Variants in DPP6 observed in about 807,000 individuals in gnomAD.
DPP6 encodes dipeptidyl peptidase like 6.
A neutral mutation model predicts 122.6 loss-of-function variants in DPP6; 69 were observed. That is an observed-to-expected ratio of 0.56 (90% CI 0.46 to 0.69). The LOEUF (loss-of-function observed/expected upper bound fraction) is 0.69. Among genes scored for constraint, DPP6 ranks in the 30% least tolerant of loss-of-function variants. DPP6 has a pLI of 0.00. For missense variants in DPP6, 928 were observed against 1,116.9 expected, an observed-to-expected ratio of 0.83 and a Z score of 2.41; for synonymous variants, 418 against 433.1, an observed-to-expected ratio of 0.97 and a Z score of 0.43.
intron 1 of DPP6, among the ~76,000 whole-genome samples, chr7:154,006,631 G>A (rs1424699883): frequency 6.6e-6 from 1 of 152,128 alleles, no homozygotes; most frequent in Non-Finnish European, 1.5e-5. Context: ...GTGGGTCTCT[G>A]CCTAAGTTAT....
At chr7:154,779,011 GCACCCCACCATCAC>G (rs1796801190) in intron 10 of DPP6, among the ~76,000 whole-genome samples, 1 of 7,892 alleles carries the variant, frequency 1.3e-4, no homozygotes, top group Admixed American at 1.2e-3. Flanking sequence ...TCCACCACCA[GCACCCCACCATCAC>G]CTCCACCACC....
the DPP6 span, among the ~76,000 whole-genome samples, chr7:153,825,034 G>A: frequency 2.6e-5 from 4 of 152,198 alleles, no homozygotes; most frequent in South Asian, 4.2e-4. Flanking sequence ...CCTCAGTCAC[G>A]CTACTCAGCT....
chr7:154,494,329 C>A lies in DPP6; in HGVS notation c.457+19292C>A, dbSNP rs1236890824. Among the ~76,000 whole-genome samples, 8 of 150,960 alleles carry A rather than the reference C, an allele frequency of 5.3e-5. No individual in the cohort carries two copies. In the South Asian group the frequency reaches 6.3e-4, roughly 12 times the overall value. ...TGACATCGCACCACTGCACTCCACC[C>A]TAGGCAACAGAGAAGGACCCTGTCT... On this transcript the variant is annotated intron_variant, in intron 3 of 25. Transcript: ENST00000377770.
At position 154,134,903 on chromosome 7, in the gene DPP6, G is replaced by A. The variant is rs149803969; in HGVS notation, c.243+81840G>A. Reference sequence around the variant, plus strand: ...TCCTGTGAGTGTATACTTCCTGTGAGTTTACACTTCCTGTGAGCTCTCACT... The same window carrying A: ...TCCTGTGAGTGTATACTTCCTGTGAATTTACACTTCCTGTGAGCTCTCACT... On this transcript the variant is annotated intron_variant, in intron 1 of 25. Coordinates refer to ENST00000377770, the MANE Select transcript of DPP6 (RefSeq NM_130797.4). Among the ~76,000 whole-genome samples the A allele has an allele frequency of 7.0e-3, 1,071 of 152,020 alleles. 9 individuals are homozygous for A. The highest frequency in any genetic ancestry group is 0.025 in the African/African-American group (1,021 of 41,458).
At position 154,546,200 on chromosome 7, in the gene DPP6, A is replaced by G. The variant is rs185007240; in HGVS notation, c.552+5574A>G. On this transcript the variant is annotated intron_variant, in intron 4 of 25. Transcript: ENST00000377770. ...AAAAATATTTATGATATATTTTAAA[A>G]AGATACAATATACTAGGCTAACAAC... 2.8e-4 allele frequency among the ~76,000 whole-genome samples: 43 copies of G among 152,336 alleles called. No individual in the cohort carries two copies. In the East Asian group the frequency reaches 8.1e-3, roughly 29 times the overall value.
intron 1 of DPP6, among the ~76,000 whole-genome samples, chr7:154,406,651 T>C (rs1232398747): frequency 6.6e-6 from 1 of 152,186 alleles, no homozygotes; most frequent in African/African-American, 2.4e-5. Context: ...TCTAGGTCAA[T>C]GGTTCTCAAA....
At chr7:153,789,012 A>G in the DPP6 span, among the ~76,000 whole-genome samples, 1 of 151,908 alleles carries the variant, frequency 6.6e-6, no homozygotes, top group Non-Finnish European at 1.5e-5. Flanking sequence ...AAAATCTTCC[A>G]TGGACACCTC....
the DPP6 span, among the ~76,000 whole-genome samples, chr7:153,766,500 A>C: frequency 6.6e-6 from 1 of 152,308 alleles, no homozygotes; most frequent in Non-Finnish European, 1.5e-5. Context: ...TCTGGAACAA[A>C]CAATAGAACC....
At chr7:154,307,690 A>G (rs1315249444) in intron 1 of DPP6, among the ~76,000 whole-genome samples, 1 of 152,116 alleles carries the variant, frequency 6.6e-6, no homozygotes, top group Admixed American at 6.5e-5. Context: ...CCTGCATTAT[A>G]TATAATTTTG....
At chr7:154,408,582 T>C (rs544258418) in intron 1 of DPP6, among the ~76,000 whole-genome samples, 10 of 152,336 alleles carry the variant, frequency 6.6e-5, no homozygotes, top group Admixed American at 2.0e-4. Flanking sequence ...GGCACATTAG[T>C]CAAAACTAAG....
intron 6 of DPP6, among the ~76,000 whole-genome samples, chr7:154,659,323 ATAGT>A (rs1297015602): frequency 1.3e-5 from 2 of 152,356 alleles, no homozygotes; most frequent in East Asian, 3.9e-4. Flanking sequence ...TTACATATAG[ATAGT>A]TGTTGTAATA....
chr7:153,928,396 A>ATTTTTT (rs71182854), intron 1 of DPP6, among the ~76,000 whole-genome samples: 720 of 43,684 alleles, frequency 0.016, 140 homozygotes, highest in Non-Finnish European at 0.025. Context: ...CTTTTCTTTC[A>ATTTTTT]TTTTTTTTTT....
chr7:154,762,918 C>T (rs534503321), intron 8 of DPP6, among the ~76,000 whole-genome samples: 22 of 152,350 alleles, frequency 1.4e-4, no homozygotes, highest in Non-Finnish European at 2.9e-4. Flanking sequence ...ACAGCAAGTA[C>T]TAAGAAAATC....
intron 1 of DPP6, among the ~76,000 whole-genome samples, chr7:154,021,530 A>G (rs1249378729): frequency 1.3e-5 from 2 of 152,114 alleles, no homozygotes; most frequent in Non-Finnish European, 2.9e-5. Context: ...AACCATTTTC[A>G]CATAAAAATG....
chr7:153,877,371 C>T, the DPP6 span, among the ~76,000 whole-genome samples: 8 of 152,044 alleles, frequency 5.3e-5, no homozygotes, highest in Non-Finnish European at 1.0e-4. Flanking sequence ...AATTAAGACA[C>T]ACACACAATT....
Position 154,324,514 on chromosome 7 carries a change from C to T in DPP6, c.244-121700C>T, listed in dbSNP as rs115071172. 5.3e-3 allele frequency among the ~76,000 whole-genome samples: 802 copies of T among 152,284 alleles called. 5 individuals carry two copies. Among genetic ancestry groups the T allele is most frequent in the African/African-American group, 0.019 (769 of 41,542 alleles). ...CCACGGGGTGACCCCGGTGTGATCT[C>T]CCCTCCCAGGTTCCATCCAGCATGA... On this transcript the variant is annotated intron_variant, in intron 1 of 25. Coordinates refer to ENST00000377770, the MANE Select transcript of DPP6 (RefSeq NM_130797.4).
Position 154,282,750 on chromosome 7 carries a change from T to TA in DPP6, c.244-163457dup, listed in dbSNP as rs975926295. The stretch of plus-strand genomic sequence containing the variant: ...AGACTTTCAGTATAACAAACAAATT[T>TA]AAAAAAAGTATGTATATTTGGGTAG... On this transcript the variant is annotated intron_variant, in intron 1 of 25. Transcript: ENST00000377770. This position sits in a 1 kb window ranked among gnomAD's most constrained non-coding sequence, Gnocchi z 4.8. Among the ~76,000 whole-genome samples, 2 of 152,292 alleles carry TA rather than the reference T, an allele frequency of 1.3e-5. No homozygotes were observed. The highest frequency in any genetic ancestry group is 6.5e-5 in the Admixed American group (1 of 15,286).
chr7:154,840,649 C>T (rs1801452757), intron 16 of DPP6, among the ~76,000 whole-genome samples: 1 of 152,226 alleles, frequency 6.6e-6, no homozygotes. Flanking sequence ...GTTCCAGACT[C>T]ATACGGAATA....
chr7:154,257,788 A>G (rs35825796), intron 1 of DPP6, among the ~76,000 whole-genome samples: 24,350 of 152,210 alleles, frequency 0.16, 2,519 homozygotes, highest in Non-Finnish European at 0.23. Flanking sequence ...GATAGAAGGT[A>G]ATGGTTCCCA....
Sources: allele counts gnomAD v4.1 joint callset (sites outside exome capture counted in the v4.1 genomes callset), GRCh38; gene constraint gnomAD v4.1.1; non-coding constraint Gnocchi (gnomAD v3.1); transcripts MANE v1.5; gene names NCBI Gene and HGNC (gene_info 2026-07-23, HGNC 2026-07-21).